The following SLC12A1 variants were observed in gnomAD, a reference collection of about 807,000 sequenced individuals.
SLC12A1 encodes the protein Na-K-2Cl cotransporter.
SLC12A1 carries 89 observed loss-of-function variants against 130.4 expected under a neutral mutation model. The observed-to-expected ratio is 0.68, with a 90% CI of 0.58 to 0.81. SLC12A1 has a LOEUF of 0.81. Ranked by LOEUF, SLC12A1 falls within the 40% of genes least tolerant of loss-of-function variation. The pLI is 0.00. For missense variants in SLC12A1, 1,310 were observed against 1,336.4 expected (o/e 0.98, Z 0.31); for synonymous variants, 499 against 460.0 (o/e 1.08, Z -1.09).
Position 48,207,694 on chromosome 15 carries a change from G to C in SLC12A1, c.-26G>C. ...TTTTAAAACAACCACAAAGTAGATA[G>C]CTCAGTAAAAAATCAATTTTGGAAG... On this transcript the variant is annotated 5_prime_UTR_variant, in exon 2 of 27. It removes the in-frame stop codon of an upstream open reading frame in the 5' UTR. Transcript: ENST00000380993. 6.6e-7 allele frequency: 1 copy of C among 1,520,798 alleles called. No homozygotes were observed. The highest frequency in any genetic ancestry group is 8.8e-7 in the Non-Finnish European group (1 of 1,136,404). The allele number at this position is 1,520,798 out of a possible 1,614,324, so 94.2% of individuals were successfully genotyped here. A position where few individuals can be genotyped will look rare whatever the true frequency, so the allele number is the denominator to read the frequency against.
chr15:48,297,571 T>C (rs960859116), intron 24 of SLC12A1, among the ~76,000 whole-genome samples: 1 of 152,260 alleles, frequency 6.6e-6, no homozygotes, highest in African/African-American at 2.4e-5. Flanking sequence ...GGATTTGGGC[T>C]GAGCTGCAAA....
chr15:48,281,723 T>C (rs1175567832), intron 20 of SLC12A1, among the ~76,000 whole-genome samples: 4 of 152,222 alleles, frequency 2.6e-5, no homozygotes, highest in Admixed American at 6.5e-5. Context: ...AGATACTATG[T>C]AGAAAGGGCT....
chr15:48,275,132 G>A (rs1197442968), intron 20 of SLC12A1, among the ~76,000 whole-genome samples: 1 of 152,160 alleles, frequency 6.6e-6, no homozygotes. Context: ...ATTCAGATGA[G>A]TGACTCTTTG....
intron 15 of SLC12A1, among the ~76,000 whole-genome samples, chr15:48,252,877 G>T (rs1160141566): frequency 6.6e-6 from 1 of 152,104 alleles, no homozygotes; most frequent in Non-Finnish European, 1.5e-5. Context: ...TGGGGAGAAG[G>T]ATCACAGGGA....
chr15:48,287,471 AAG>A (rs1202430468), intron 21 of SLC12A1, among the ~76,000 whole-genome samples: 6 of 152,164 alleles, frequency 3.9e-5, no homozygotes, highest in African/African-American at 1.4e-4. Context: ...CAGGCCAACT[AAG>A]AGACTAAATA....
rs201152893 is a variant in SLC12A1, at chr15:48,278,315, A to T, written c.2485+3662A>T. 1.4e-4 allele frequency among the ~76,000 whole-genome samples: 21 copies of T among 152,332 alleles called. No individual in the cohort carries two copies. The East Asian group carries it at 3.7e-3, about 27-fold the overall frequency. ...TGCTTCTTGTTCACACATAGCATTT[A>T]TCATCCCAGCTACCCTATGAGGAGA... is the stretch of plus-strand genomic sequence containing the variant. On this transcript the variant is annotated intron_variant, in intron 20 of 26. Transcript: ENST00000380993.
chr15:48,220,798 T>C, intron 3 of SLC12A1, 33 bp downstream of exon 3: 1 of 1,613,714 alleles, frequency 6.2e-7, no homozygotes, highest in Non-Finnish European at 8.5e-7. Context: ...AAATGAAAAC[T>C]ATCCATTCAA....
In SLC12A1 at chr15:48,269,696, G is replaced by C; in HGVS notation, c.2334G>C (p.Val778=). The C allele has an allele frequency of 6.2e-7, 1 of 1,612,204 alleles. No individual in the cohort carries two copies. ...GAAGAATGAAACCAAACACTCTGGT[G>C]ATTGGATATAAGAAAAACTGGAGGA... ...GLGRMKPNTL[V]IGYKKNWRKA... is the part of the protein sequence containing the mutation. Residue 778 remains valine, a synonymous_variant, in exon 19 of 27, where the codon GTG becomes GTC. Transcript: ENST00000380993.
intron 16 of SLC12A1, 55 bp downstream of exon 16, chr15:48,255,965 C>A (rs2041703210): frequency 9.3e-7 from 1 of 1,075,510 alleles, no homozygotes. Context: ...AGTGGCTCTC[C>A]TTTATAAGAG....
intron 2 of SLC12A1, among the ~76,000 whole-genome samples, chr15:48,219,192 A>T (rs773638733): frequency 1.1e-4 from 16 of 152,232 alleles, no homozygotes; most frequent in Non-Finnish European, 2.4e-4. Context: ...CATTCTTGTC[A>T]TCATCCAGTG....
intron 20 of SLC12A1, among the ~76,000 whole-genome samples, chr15:48,283,474 C>A (rs889104346): frequency 1.3e-5 from 2 of 152,186 alleles, no homozygotes; most frequent in African/African-American, 2.4e-5. Flanking sequence ...TTTTCTATAG[C>A]TGCTGATCTT....
At chr15:48,206,543 C>G (rs1201334259) in intron 1 of SLC12A1, among the ~76,000 whole-genome samples, 5 of 152,070 alleles carry the variant, frequency 3.3e-5, no homozygotes, top group Non-Finnish European at 7.4e-5. Context: ...GCTTTAATAA[C>G]TGCATGAGAG....
intron 5 of SLC12A1, 177 bp from the exon 6 acceptor site, chr15:48,229,012 G>C: frequency 1.7e-6 from 1 of 578,794 alleles, no homozygotes; most frequent in East Asian, 2.9e-5. Flanking sequence ...ATTAAGTACA[G>C]AGTACCAAGA....
rs1202205714 is a variant in SLC12A1, at chr15:48,291,875, T to C, written c.2960+11T>C. The C allele has an allele frequency of 3.5e-5, 52 of 1,496,690 alleles. No individual in the cohort carries two copies. The East Asian group carries it at 1.2e-3, about 36-fold the overall frequency. 92.7% of individuals were successfully genotyped at this position (1,496,690 alleles called of 1,614,324 possible). ...GCCAAACAAAGAGAGGTATGAAATA[T>C]TTAACAAGAGACATTGATTACCCAT... On this transcript the variant is annotated intron_variant, in intron 24 of 26. Transcript: ENST00000380993.
chr15:48,246,896 C>A lies in SLC12A1; in HGVS notation c.1453-13C>A. On this transcript the variant is annotated splice_polypyrimidine_tract_variant and intron_variant, in intron 11 of 26. Transcript: ENST00000380993. ...TCACAGAAAGTCTCCTTACTTGTAC[C>A]TCTCTTCTCAAGGTCATGAGCATGG... The A allele has an allele frequency of 6.3e-7, 1 of 1,591,380 alleles. No individual in the cohort carries two copies. Among genetic ancestry groups the A allele is most frequent in the Non-Finnish European group, 8.6e-7 (1 of 1,159,290 alleles).
intron 2 of SLC12A1, among the ~76,000 whole-genome samples, chr15:48,214,410 T>C (rs1309852094): frequency 2.0e-5 from 3 of 152,216 alleles, no homozygotes; most frequent in African/African-American, 7.2e-5. Flanking sequence ...TGCCAGTTTA[T>C]TGCACATAGC....
chr15:48,224,683 G>C (rs1368922180), intron 4 of SLC12A1: 2 of 152,180 alleles, frequency 1.3e-5, no homozygotes, highest in Non-Finnish European at 2.9e-5. Context: ...CTTTCTGGTA[G>C]AGAGGGGAGG....
intron 8 of SLC12A1, among the ~76,000 whole-genome samples, chr15:48,233,046 C>T (rs547390336): frequency 1.1e-3 from 169 of 152,300 alleles, no homozygotes; most frequent in South Asian, 3.5e-3. Context: ...CCCAGTACTT[C>T]ACCAGCAAAT....
At chr15:48,236,428 G>A (rs570431862) in intron 9 of SLC12A1, among the ~76,000 whole-genome samples, 2 of 152,330 alleles carry the variant, frequency 1.3e-5, no homozygotes, top group Non-Finnish European at 2.9e-5. Flanking sequence ...ACTGGGGACA[G>A]TGAGAAGTCT....
Sources: allele counts gnomAD v4.1 joint callset (sites outside exome capture counted in the v4.1 genomes callset), GRCh38; gene constraint gnomAD v4.1.1; transcripts MANE v1.5; gene names NCBI Gene and HGNC (gene_info 2026-07-23, HGNC 2026-07-21).